Variants in GALNT10 observed in about 807,000 individuals in gnomAD.
GALNT10 encodes GalNAc transferase 10.
Under a neutral mutation model 75.0 loss-of-function variants are expected in GALNT10, and 41 were observed. The observed-to-expected ratio is 0.55, with a 90% confidence interval of 0.43 to 0.71. The LOEUF (loss-of-function observed/expected upper bound fraction) is 0.71. Among genes scored for constraint, GALNT10 ranks in the 30% least tolerant of loss-of-function variants. The probability of loss-of-function intolerance (pLI) is 0.00; values close to 1 mark genes in which losing one functional copy is unlikely to be tolerated. For missense variants in GALNT10, 727 were observed against 818.5 expected, an observed-to-expected ratio of 0.89 and a Z score of 1.36; for synonymous variants, 302 against 313.0, an observed-to-expected ratio of 0.96 and a Z score of 0.37.
chr5:154,207,391 T>C (rs1250950622), intron 1 of GALNT10, among the ~76,000 whole-genome samples: 1 of 152,002 alleles, frequency 6.6e-6, no homozygotes, highest in Non-Finnish European at 1.5e-5. Flanking sequence ...ATCAGGGAGA[T>C]GAAATGTTTC....
At chr5:154,216,972 C>T (rs1022900196) in intron 1 of GALNT10, among the ~76,000 whole-genome samples, 3 of 152,164 alleles carry the variant, frequency 2.0e-5, no homozygotes, top group Non-Finnish European at 1.5e-5. Context: ...TCCCTCTGCC[C>T]AACCCCGGGA....
intron 1 of GALNT10, among the ~76,000 whole-genome samples, chr5:154,256,678 A>G (rs1561642616): frequency 1.3e-5 from 2 of 152,246 alleles, no homozygotes; most frequent in Non-Finnish European, 1.5e-5. Flanking sequence ...TTTGGTTCAC[A>G]TATTCTTCAA....
At chr5:154,327,701 C>T (rs907179704) in intron 3 of GALNT10, among the ~76,000 whole-genome samples, 4 of 152,124 alleles carry the variant, frequency 2.6e-5, no homozygotes, top group Admixed American at 6.5e-5. Flanking sequence ...TTGGGGTGAA[C>T]GAATAGTTGA....
At chr5:154,252,075 CAT>C (rs1491148233) in intron 1 of GALNT10, among the ~76,000 whole-genome samples, 2 of 152,020 alleles carry the variant, frequency 1.3e-5, no homozygotes, top group African/African-American at 4.8e-5. Context: ...TTGTCTTACC[CAT>C]GTTATACACA....
intron 4 of GALNT10, 22 bp downstream of exon 4, chr5:154,329,760 C>T (rs1754816465): frequency 3.8e-6 from 6 of 1,580,544 alleles, no homozygotes; most frequent in Non-Finnish European, 5.2e-6. Flanking sequence ...CCCACCCAGC[C>T]TCCCACCCTC....
At chr5:154,203,685 A>G (rs1775062212) in intron 1 of GALNT10, among the ~76,000 whole-genome samples, 1 of 152,146 alleles carries the variant, frequency 6.6e-6, no homozygotes, top group Non-Finnish European at 1.5e-5. Context: ...AGTGCCATGT[A>G]TTGCCATTTC....
At chr5:154,219,538 G>C (rs1752937335) in intron 1 of GALNT10, 1 of 152,394 alleles carries the variant, frequency 6.6e-6, no homozygotes, top group South Asian at 2.1e-4. Context: ...GACATGGGCT[G>C]TTACCACCAG....
intron 1 of GALNT10, among the ~76,000 whole-genome samples, chr5:154,199,418 AT>A (rs974193528): frequency 1.3e-5 from 2 of 152,042 alleles, no homozygotes. Context: ...AAGTGTGTTT[AT>A]CTGCAGCTTC....
At chr5:154,361,844 C>T (rs1755393724) in intron 4 of GALNT10, among the ~76,000 whole-genome samples, 1 of 152,184 alleles carries the variant, frequency 6.6e-6, no homozygotes, top group Non-Finnish European at 1.5e-5. Flanking sequence ...CGGTGACCCA[C>T]AAGAATCGGG....
intron 4 of GALNT10, among the ~76,000 whole-genome samples, chr5:154,358,457 A>G (rs1755331603): frequency 6.6e-6 from 1 of 152,210 alleles, no homozygotes; most frequent in African/African-American, 2.4e-5. Flanking sequence ...CACTTCTATT[A>G]TTATTCCCAC....
intron 1 of GALNT10, among the ~76,000 whole-genome samples, chr5:154,245,440 C>T (rs1753406331): frequency 6.6e-6 from 1 of 152,156 alleles, no homozygotes; most frequent in Non-Finnish European, 1.5e-5. Context: ...TAAGCTTGCT[C>T]TACCCATGTC....
chr5:154,380,632 G>C lies in GALNT10; in HGVS notation c.938+1G>C. On this transcript the variant is annotated splice_donor_variant, in intron 6 of 11. Transcript: ENST00000297107. LOFTEE classifies it high-confidence loss of function. Reference sequence around the variant, plus strand: ...AAGCTGACCCCAGCGACCCATTTGAGTAAGTATGAACAACCCTGGCTGGTC... The same window carrying C: ...AAGCTGACCCCAGCGACCCATTTGACTAAGTATGAACAACCCTGGCTGGTC... 2.5e-6 allele frequency: 4 copies of C among 1,608,458 alleles called. No individual in the cohort carries two copies. The South Asian group carries it at 4.4e-5, about 18-fold the overall frequency.
intron 1 of GALNT10, among the ~76,000 whole-genome samples, chr5:154,250,728 CCCA>C (rs1343928363): frequency 6.6e-6 from 1 of 152,124 alleles, no homozygotes; most frequent in Non-Finnish European, 1.5e-5. Context: ...GAAACATTTA[CCCA>C]TTCTCTGCTG....
At chr5:154,313,306 GA>G (rs148149095) in intron 3 of GALNT10, among the ~76,000 whole-genome samples, 12,294 of 133,100 alleles carry the variant, frequency 0.092, 529 homozygotes, top group Middle Eastern at 0.19. Flanking sequence ...CGAGACTCTT[GA>G]AAAAAAAAAA....
chr5:154,256,309 T>C (rs941015035), intron 1 of GALNT10, among the ~76,000 whole-genome samples: 10 of 151,524 alleles, frequency 6.6e-5, no homozygotes, highest in Non-Finnish European at 1.0e-4. Context: ...ATTTGGATTT[T>C]TTAAGAGAAC....
intron 4 of GALNT10, among the ~76,000 whole-genome samples, chr5:154,353,918 C>G (rs1755249604): frequency 1.3e-5 from 2 of 152,218 alleles, no homozygotes; most frequent in South Asian, 4.1e-4. Context: ...CTGACCCTCC[C>G]ATAGACCATG....
intron 3 of GALNT10, among the ~76,000 whole-genome samples, chr5:154,299,476 G>A (rs964579159): frequency 6.6e-6 from 1 of 152,220 alleles, no homozygotes; most frequent in Non-Finnish European, 1.5e-5. Context: ...GCCAGAATTT[G>A]AACCCAGGGA....
chr5:154,258,667 G>A (rs1753652335), intron 1 of GALNT10, among the ~76,000 whole-genome samples: 1 of 152,180 alleles, frequency 6.6e-6, no homozygotes. Flanking sequence ...TGATCAGCCT[G>A]TTCATCACTG....
intron 1 of GALNT10, among the ~76,000 whole-genome samples, chr5:154,265,102 A>T (rs1753758531): frequency 6.6e-6 from 1 of 152,204 alleles, no homozygotes; most frequent in South Asian, 2.1e-4. Context: ...TTTCTTGATG[A>T]GTATTCTAAA....
Sources: gnomAD v4.1 joint callset for allele counts (sites outside exome capture counted in the v4.1 genomes callset) on GRCh38, gnomAD v4.1.1 for gene constraint, MANE v1.5 for transcripts, NCBI Gene and HGNC (gene_info 2026-07-23, HGNC 2026-07-21) for gene names.